DNAJC13: variants seen among roughly 807,000 people sequenced by gnomAD.
DNAJC13 encodes the protein dnaJ homolog subfamily C member 13.
Under a neutral mutation model 290.5 loss-of-function variants are expected in DNAJC13, and 75 were observed. That is an observed-to-expected ratio of 0.26 (90% CI 0.21 to 0.31). DNAJC13 has a LOEUF of 0.31. Among genes scored for constraint, DNAJC13 ranks in the 10% least tolerant of loss-of-function variants. The probability of loss-of-function intolerance (pLI) is 1.00; values close to 1 mark genes in which losing one functional copy is unlikely to be tolerated. For synonymous variants in DNAJC13, 862 were observed against 892.0 expected (o/e 0.97, Z 0.60); for missense variants, 2,260 against 2,674.5 (o/e 0.85, Z 3.42).
intron 55 of DNAJC13, among the ~76,000 whole-genome samples, chr3:132,532,262 A>G (rs1251252962): frequency 1.3e-5 from 2 of 152,228 alleles, no homozygotes; most frequent in Non-Finnish European, 2.9e-5. Context: ...AGAAGTTTAT[A>G]AGATCATGAA....
intron 48 of DNAJC13, among the ~76,000 whole-genome samples, chr3:132,518,947 G>A (rs1389449900): frequency 6.6e-6 from 1 of 152,176 alleles, no homozygotes; most frequent in Non-Finnish European, 1.5e-5. Flanking sequence ...ATCATACTAT[G>A]TATGGTCTTT....
intron 1 of DNAJC13, among the ~76,000 whole-genome samples, chr3:132,429,950 A>T (rs1939198360): frequency 6.6e-6 from 1 of 152,160 alleles, no homozygotes; most frequent in South Asian, 2.1e-4. Context: ...TCAGGTGTGC[A>T]AATATTGGAC....
intron 35 of DNAJC13, 140 bp from the exon 36 acceptor site, chr3:132,496,388 A>T (rs1935234831): frequency 1.3e-6 from 1 of 768,584 alleles, no homozygotes; most frequent in Non-Finnish European, 1.9e-6. Context: ...TACCAGCTAG[A>T]TTACAGTTGG....
intron 35 of DNAJC13, 146 bp downstream of exon 35, chr3:132,495,312 C>T (rs34674452): frequency 8.4e-5 from 49 of 581,280 alleles, no homozygotes; most frequent in Non-Finnish European, 1.3e-4. Flanking sequence ...GCCACATGCC[C>T]ATAGTTTCTG....
chr3:132,447,928 A>G lies in DNAJC13; in HGVS notation c.325A>G (p.Ile109Val), dbSNP rs765305595. 3.8e-6 allele frequency: 6 copies of G among 1,579,792 alleles called. No individual in the cohort carries two copies. The highest frequency in any genetic ancestry group is 1.7e-5 in the Admixed American group (1 of 59,260). The change falls in exon 5 of 56, where the codon ATC (isoleucine) becomes GTC (valine). Residue 109 changes from isoleucine to valine, a missense_variant. Physicochemically the swap from Ile to Val is conservative, Grantham distance 29. This residue lies in a region of DNAJC13 where 762 missense variants were observed against 964.1 expected (regional missense o/e 0.79). Transcript: ENST00000260818. ...RFRTDFSEGKITGRRYNCYKH... is the reference protein window; with the variant it reads ...RFRTDFSEGKVTGRRYNCYKH... ...TAGAACTGATTTTTCAGAGGGAAAAATCACAGGAAGGGTAAATATTTAACA... is the reference window on the plus strand; with the variant it reads ...TAGAACTGATTTTTCAGAGGGAAAAGTCACAGGAAGGGTAAATATTTAACA...
chr3:132,518,985 A>G (rs181161849), intron 48 of DNAJC13, among the ~76,000 whole-genome samples: 1 of 152,264 alleles, frequency 6.6e-6, no homozygotes, highest in East Asian at 1.9e-4. Flanking sequence ...GTTTTCATCT[A>G]TGTTGTAGCA....
At chr3:132,483,982 G>A (rs1934770410) in intron 28 of DNAJC13, among the ~76,000 whole-genome samples, 1 of 152,170 alleles carries the variant, frequency 6.6e-6, no homozygotes, top group South Asian at 2.1e-4. Flanking sequence ...GTGAAGGTGA[G>A]AATTTGTTCT....
intron 8 of DNAJC13, 146 bp from the exon 9 acceptor site, chr3:132,453,920 A>C: frequency 1.3e-6 from 1 of 784,794 alleles, no homozygotes; most frequent in East Asian, 2.8e-5. Flanking sequence ...TGAAAATTTG[A>C]GATTTTAAAG....
At position 132,446,514 on chromosome 3, in the gene DNAJC13, T is replaced by A. The variant is rs753879043; in HGVS notation, c.108T>A (p.Thr36=). 3 of 1,609,562 alleles carry A rather than the reference T, an allele frequency of 1.9e-6. No individual in the cohort carries two copies. The highest frequency in any genetic ancestry group is 2.5e-6 in the Non-Finnish European group (3 of 1,178,296). The change falls in exon 3 of 56, where the codon ACT becomes ACA. Residue 36 remains threonine (T), a synonymous_variant. Coordinates refer to ENST00000260818, the MANE Select transcript of DNAJC13 (RefSeq NM_015268.4). ...TTTCAGTTGGAACTCATGCGATTAC[T>A]ACATATAATCCCAATACCTTAGAAG... ...RVFSVGTHAI[T]TYNPNTLEVT...
chr3:132,471,312 C>CCCGGACGGGGCGGCTGG (rs1934243735), intron 20 of DNAJC13, among the ~76,000 whole-genome samples: 1 of 146,092 alleles, frequency 6.8e-6, no homozygotes, highest in Non-Finnish European at 1.5e-5. Context: ...CCACCTCCCT[C>CCCGGACGGGGCGGCTGG]CCGGACGGGG....
chr3:132,494,321 C>A, intron 34 of DNAJC13, 62 bp downstream of exon 34: 1 of 1,206,680 alleles, frequency 8.3e-7, no homozygotes, highest in Non-Finnish European at 1.2e-6. Flanking sequence ...GTATCAAAGA[C>A]TAAGTTATAT....
intron 51 of DNAJC13, chr3:132,524,009 A>G (rs1936174924): frequency 1.2e-5 from 3 of 243,628 alleles, no homozygotes; most frequent in South Asian, 2.0e-4. Context: ...TCTAATGAAT[A>G]TGTAATTTTA....
chr3:132,511,627 T>C (rs1935781410), intron 44 of DNAJC13, among the ~76,000 whole-genome samples: 1 of 152,202 alleles, frequency 6.6e-6, no homozygotes, highest in African/African-American at 2.4e-5. Flanking sequence ...CAGTGCCATG[T>C]GCATATGGGC....
intron 1 of DNAJC13, among the ~76,000 whole-genome samples, chr3:132,433,870 G>C (rs983024063): frequency 5.9e-5 from 9 of 152,190 alleles, no homozygotes; most frequent in African/African-American, 1.9e-4. Context: ...ACAATATGGT[G>C]CTAAAGGTTA....
chr3:132,462,460 T>A lies in DNAJC13; in HGVS notation c.1714-7T>A. The A allele has an allele frequency of 6.2e-7, 1 of 1,609,106 alleles. No homozygotes were observed. Among genetic ancestry groups the A allele is most frequent in the Non-Finnish European group, 8.5e-7 (1 of 1,178,320 alleles). On this transcript the variant is annotated splice_region_variant and splice_polypyrimidine_tract_variant and intron_variant, in intron 15 of 55. Transcript: ENST00000260818. Reference sequence around the variant, plus strand: ...TTTTTTGATACTTTTTCCCCCTCACTTTAAAGCATCCTTCCATGGCAATAA... The same window carrying A: ...TTTTTTGATACTTTTTCCCCCTCACATTAAAGCATCCTTCCATGGCAATAA...
chr3:132,528,026 A>G (rs1936311101), intron 53 of DNAJC13, among the ~76,000 whole-genome samples, 163 bp from the exon 54 acceptor site: 1 of 152,156 alleles, frequency 6.6e-6, no homozygotes, highest in South Asian at 2.1e-4. Flanking sequence ...ACAGAATAAA[A>G]TCTCATTAAA....
intron 32 of DNAJC13, 61 bp from the exon 33 acceptor site, chr3:132,492,353 C>G: frequency 1.3e-6 from 2 of 1,524,252 alleles, no homozygotes; most frequent in Non-Finnish European, 1.8e-6. Flanking sequence ...GATTATGTAT[C>G]TCAACCTTCT....
At chr3:132,473,044 G>T in intron 20 of DNAJC13, 101 bp from the exon 21 acceptor site, 2 of 764,980 alleles carry the variant, frequency 2.6e-6, no homozygotes, top group South Asian at 1.7e-5. Context: ...GTCAAAATTT[G>T]ATGAAAGAAA....
At chr3:132,420,876 A>C (rs992825213) in intron 1 of DNAJC13, among the ~76,000 whole-genome samples, 1 of 152,214 alleles carries the variant, frequency 6.6e-6, no homozygotes, top group African/African-American at 2.4e-5. Context: ...CTACTCCTAC[A>C]CAACATGTCC....
Sources: gnomAD v4.1 joint callset for allele counts (sites outside exome capture counted in the v4.1 genomes callset) on GRCh38, gnomAD v4.1.1 for gene constraint, gnomAD v4.1.1 regional missense constraint, MANE v1.5 for transcripts, NCBI Gene and HGNC (gene_info 2026-07-23, HGNC 2026-07-21) for gene names.